SATB1: variants seen among roughly 807,000 people sequenced by gnomAD.
SATB1 encodes SATB homeobox 1, also known as DNA-binding protein SATB1.
SATB1 carries 11 observed loss-of-function variants against 86.9 expected under a neutral mutation model. That is an observed-to-expected ratio of 0.13 (90% confidence interval 0.08 to 0.21). The LOEUF (loss-of-function observed/expected upper bound fraction) is 0.21, where lower values mean the gene tolerates loss of function less well. Ranked by LOEUF, SATB1 falls within the 10% of genes least tolerant of loss-of-function variation. The pLI, the probability that SATB1 is intolerant of heterozygous loss-of-function variation, is 1.00. For missense variants in SATB1, 551 were observed against 937.6 expected (o/e 0.59, Z 5.39); for synonymous variants, 357 against 357.2 (o/e 1.00, Z 0.01).
chr3:18,351,500 C>G, intron 10 of SATB1: 5 of 924,632 alleles, frequency 5.4e-6, no homozygotes, highest in Non-Finnish European at 6.5e-6. Flanking sequence ...GAAGGAAGGG[C>G]CAAGGACTGT....
At position 18,416,099 on chromosome 3, in the gene SATB1, T is replaced by C; in HGVS notation, c.423A>G (p.Pro141=). 1 of 1,610,524 alleles carries C rather than the reference T, an allele frequency of 6.2e-7. No homozygotes were observed. The highest frequency in any genetic ancestry group is 8.5e-7 in the Non-Finnish European group (1 of 1,177,788). ...LIQVGKWNPV[P]LSYVTDAPDA... ...CAGGGGCATCTGTCACGTAAGACAGTGGAACTGGATTCCACTTTCCAACCT... is the reference window on the plus strand; with the variant it reads ...CAGGGGCATCTGTCACGTAAGACAGCGGAACTGGATTCCACTTTCCAACCT... Residue 141 remains proline (P), a synonymous_variant, in exon 4 of 11, where the codon CCA becomes CCG. Coordinates refer to ENST00000338745, the MANE Select transcript of SATB1 (RefSeq NM_002971.6).
At chr3:18,384,595 A>G (rs532819103) in intron 8 of SATB1, among the ~76,000 whole-genome samples, 5 of 152,198 alleles carry the variant, frequency 3.3e-5, no homozygotes, top group Non-Finnish European at 5.9e-5. Flanking sequence ...TGACTTCAGG[A>G]GCAAAGTTAA....
intron 7 of SATB1, among the ~76,000 whole-genome samples, chr3:18,391,696 T>C (rs1696685781): frequency 6.6e-6 from 1 of 152,082 alleles, no homozygotes; most frequent in East Asian, 1.9e-4. Flanking sequence ...CACAAATGTG[T>C]GATGTGTGAT....
At chr3:18,445,398 G>A (rs1559473513) in intron 1 of SATB1, 10 of 985,208 alleles carry the variant, frequency 1.0e-5, no homozygotes, top group Non-Finnish European at 1.2e-5. Context: ...GCCAGGGGGC[G>A]CACACGGGGG....
intron 4 of SATB1, 148 bp downstream of exon 4, chr3:18,415,859 C>T: frequency 1.8e-6 from 1 of 562,978 alleles, no homozygotes; most frequent in Non-Finnish European, 2.8e-6. Flanking sequence ...GGAAAAAAGG[C>T]AGAAGGATAG....
chr3:18,379,287 T>G (rs1291276748), intron 8 of SATB1, among the ~76,000 whole-genome samples: 1 of 152,206 alleles, frequency 6.6e-6, no homozygotes, highest in East Asian at 1.9e-4. Flanking sequence ...CACAGTAGTA[T>G]GAACTAGCCT....
At chr3:18,384,508 A>G (rs1349420284) in intron 8 of SATB1, among the ~76,000 whole-genome samples, 1 of 151,912 alleles carries the variant, frequency 6.6e-6, no homozygotes, top group East Asian at 1.9e-4. Context: ...TATTGGTCTT[A>G]AGTAAGCCAT....
intron 5 of SATB1, among the ~76,000 whole-genome samples, chr3:18,403,176 A>T (rs1256467477): frequency 6.6e-6 from 1 of 152,148 alleles, no homozygotes; most frequent in Non-Finnish European, 1.5e-5. Flanking sequence ...CTCGAAAACT[A>T]TAAAGACAGA....
At chr3:18,370,515 CAAAAAAAAAAA>C (rs11391230) in intron 9 of SATB1, among the ~76,000 whole-genome samples, 1 of 49,440 alleles carries the variant, frequency 2.0e-5, no homozygotes, top group African/African-American at 9.7e-5. Context: ...CTGAGAGAGG[CAAAAAAAAAAA>C]AAAAAAAAAA....
chr3:18,376,017 A>G (rs1695731991), intron 9 of SATB1, among the ~76,000 whole-genome samples: 1 of 152,150 alleles, frequency 6.6e-6, no homozygotes, highest in South Asian at 2.1e-4. Flanking sequence ...AGATGCTTGG[A>G]ATTTGCTTAT....
chr3:18,430,230 A>C (rs894889938), upstream of SATB1, among the ~76,000 whole-genome samples: 1 of 152,176 alleles, frequency 6.6e-6, no homozygotes, highest in Admixed American at 6.5e-5. Flanking sequence ...AACTAAGGGA[A>C]TCCAAGACCT....
intron 2 of SATB1, chr3:18,435,066 A>G (rs1052913438): frequency 6.6e-6 from 1 of 152,188 alleles, no homozygotes; most frequent in Non-Finnish European, 1.5e-5. Flanking sequence ...CAGAATACCA[A>G]TATTTTAAAT....
chr3:18,347,687 G>A lies in SATB1; in HGVS notation c.*1483C>T, dbSNP rs1001100289. On this transcript the variant is annotated 3_prime_UTR_variant, in exon 11 of 11. Coordinates refer to ENST00000338745, the MANE Select transcript of SATB1 (RefSeq NM_002971.6). ...CTAGAGACTGGATTTGTTTTTGTCG[G>A]AGAGTCTTTTGACCATCCTATCTCT... The A allele has an allele frequency of 2.0e-5, 3 of 152,116 alleles. No homozygotes were observed. The highest frequency in any genetic ancestry group is 7.2e-5 in the African/African-American group (3 of 41,424). The allele number at this position is 152,116 out of a possible 1,614,324, so 9.4% of individuals were successfully genotyped here.
At chr3:18,357,897 C>A (rs1310211954) in intron 9 of SATB1, among the ~76,000 whole-genome samples, 1 of 151,678 alleles carries the variant, frequency 6.6e-6, no homozygotes, top group African/African-American at 2.4e-5. Context: ...AAGATACAAC[C>A]CCATTTCTAG....
At position 18,364,716 on chromosome 3, in the gene SATB1, T is replaced by A. The variant is rs980488685; in HGVS notation, c.1576-12521A>T. The stretch of plus-strand genomic sequence containing the variant: ...CATAGCTATCAAATATATATGTATG[T>A]ATGTATATATATATACACACACACA... On this transcript the variant is annotated intron_variant, in intron 9 of 10. Transcript: ENST00000338745. Among the ~76,000 whole-genome samples, 12 of 152,006 alleles carry A rather than the reference T, an allele frequency of 7.9e-5. No individual in the cohort carries two copies. In the East Asian group the frequency reaches 2.3e-3, roughly 29 times the overall value.
At chr3:18,376,887 T>C (rs1444857576) in intron 9 of SATB1, among the ~76,000 whole-genome samples, 2 of 152,170 alleles carry the variant, frequency 1.3e-5, no homozygotes, top group Non-Finnish European at 2.9e-5. Context: ...AATCTCACAA[T>C]AAAAGAAACA....
chr3:18,396,665 T>C (rs958983752), intron 6 of SATB1, among the ~76,000 whole-genome samples: 1 of 152,170 alleles, frequency 6.6e-6, no homozygotes, highest in Non-Finnish European at 1.5e-5. Context: ...GTATGGATGG[T>C]AAAGCAATGT....
upstream of SATB1, among the ~76,000 whole-genome samples, chr3:18,442,726 T>G (rs1331084254): frequency 2.0e-5 from 3 of 152,234 alleles, no homozygotes; most frequent in Non-Finnish European, 4.4e-5. Flanking sequence ...ATTATAACCT[T>G]TTCTAACAAT....
At chr3:18,389,308 C>G (rs1696512523) in intron 7 of SATB1, among the ~76,000 whole-genome samples, 1 of 138,928 alleles carries the variant, frequency 7.2e-6, no homozygotes, top group African/African-American at 2.7e-5. Flanking sequence ...GAGGGGAGTG[C>G]CCCCTGGTGG....
Sources: allele counts gnomAD v4.1 joint callset (sites outside exome capture counted in the v4.1 genomes callset), GRCh38; gene constraint gnomAD v4.1.1; transcripts MANE v1.5; gene names NCBI Gene and HGNC (gene_info 2026-07-23, HGNC 2026-07-21).